NAE1: variants seen among roughly 807,000 people sequenced by gnomAD.
NAE1 encodes the protein NEDD8-activating enzyme E1 regulatory subunit.
Under a neutral mutation model 88.0 loss-of-function variants are expected in NAE1, and 59 were observed. The ratio of observed to expected loss-of-function variants is 0.67; its 90% CI spans 0.54 to 0.83. The LOEUF (loss-of-function observed/expected upper bound fraction) is 0.83. Among genes scored for constraint, NAE1 ranks in the 40% least tolerant of loss-of-function variants. The probability of loss-of-function intolerance (pLI) is 0.00; values close to 1 mark genes in which losing one functional copy is unlikely to be tolerated. For missense variants in NAE1, 554 were observed against 632.8 expected (o/e 0.88, Z 1.34); for synonymous variants, 186 against 208.9 (o/e 0.89, Z 0.95).
intron 5 of NAE1, 63 bp from the exon 6 acceptor site, chr16:66,823,369 T>C (rs1597049040): frequency 5.0e-6 from 7 of 1,403,164 alleles, no homozygotes; most frequent in South Asian, 2.5e-5. Context: ...ATATTAAACA[T>C]GGCAGAGACA....
chr16:66,824,215 A>C (rs946409749), intron 4 of NAE1, among the ~76,000 whole-genome samples: 4 of 152,232 alleles, frequency 2.6e-5, no homozygotes, highest in Admixed American at 2.0e-4. Flanking sequence ...GACTCACTCT[A>C]ACCACCCACA....
intron 6 of NAE1, 80 bp downstream of exon 6, chr16:66,823,144 TATC>T (rs1376555263): frequency 3.7e-6 from 2 of 539,508 alleles, no homozygotes; most frequent in Non-Finnish European, 5.7e-6. Flanking sequence ...TTTAAAACCA[TATC>T]ATCATAGACT....
rs776877366 is a variant in NAE1, at chr16:66,817,041, A to G, written c.685-13T>C. On this transcript the variant is annotated splice_polypyrimidine_tract_variant and intron_variant, in intron 9 of 19. Coordinates refer to ENST00000290810, the MANE Select transcript of NAE1 (RefSeq NM_003905.4). ...TTCGTCCATTTGTCTAAATTGGTTA[A>G]AAATTTTAAAAATCTAGTTATTAAA... 1.3e-6 allele frequency: 2 copies of G among 1,579,922 alleles called. No homozygotes were observed. The highest frequency in any genetic ancestry group is 2.4e-5 in the South Asian group (2 of 83,162).
At chr16:66,821,421 T>G (rs780987489) in intron 7 of NAE1, 29 bp downstream of exon 7, 1 of 1,509,692 alleles carries the variant, frequency 6.6e-7, no homozygotes, top group Non-Finnish European at 8.9e-7. Flanking sequence ...AAGCAACCAA[T>G]AGTAAGCCCA....
chr16:66,809,688 A>C (rs1239960227), intron 15 of NAE1, among the ~76,000 whole-genome samples: 3 of 152,210 alleles, frequency 2.0e-5, no homozygotes, highest in African/African-American at 7.2e-5. Flanking sequence ...TAGTGGCAGA[A>C]AACATTAAAA....
At chr16:66,816,907 T>C in intron 10 of NAE1, 58 bp downstream of exon 10, 2 of 1,553,824 alleles carry the variant, frequency 1.3e-6, no homozygotes, top group Non-Finnish European at 1.7e-6. Context: ...AATAAGTACC[T>C]GCCTCTAGCA....
At chr16:66,805,879 A>C (rs1278912793) in intron 18 of NAE1, 33 bp downstream of exon 18, 3 of 1,597,492 alleles carry the variant, frequency 1.9e-6, no homozygotes, top group Non-Finnish European at 2.6e-6. Context: ...ACAGGTGTGG[A>C]ATCATCTCCT....
Position 66,826,723 on chromosome 16 carries a change from A to G in NAE1, c.111T>C (p.Asn37=), listed in dbSNP as rs1367446117. The part of the protein sequence containing the change: ...ALESAHVCLI[N]ATATGTEILK... ...GAATTTCAGTTCCTGTGGCTGTTGCATTTATTAGGCAAACATGAGCAGATT... is the reference window on the plus strand; with the variant it reads ...GAATTTCAGTTCCTGTGGCTGTTGCGTTTATTAGGCAAACATGAGCAGATT... The change falls in exon 2 of 20, where the codon AAT becomes AAC. Residue 37 remains asparagine, a synonymous_variant. Coordinates refer to ENST00000290810, the MANE Select transcript of NAE1 (RefSeq NM_003905.4). The G allele has an allele frequency of 1.2e-6, 2 of 1,614,118 alleles. No individual in the cohort carries two copies. The highest frequency in any genetic ancestry group is 1.7e-6 in the Non-Finnish European group (2 of 1,179,992).
At chr16:66,806,966 AGCCAACTGACAT>A (rs1452125241) in intron 17 of NAE1, among the ~76,000 whole-genome samples, 10 of 152,212 alleles carry the variant, frequency 6.6e-5, no homozygotes, top group Non-Finnish European at 5.9e-5. Context: ...TAACTGCAGA[AGCCAACTGACAT>A]GCCAAAAGGA....
intron 9 of NAE1, 80 bp from the exon 10 acceptor site, chr16:66,817,108 C>A: frequency 6.8e-7 from 1 of 1,477,552 alleles, no homozygotes. Flanking sequence ...GTCCCCCATT[C>A]TCTACATAAG....
intron 1 of NAE1, among the ~76,000 whole-genome samples, chr16:66,827,283 G>C (rs1014854629): frequency 4.6e-5 from 7 of 150,966 alleles, no homozygotes; most frequent in Admixed American, 1.3e-4. Context: ...AATTATGTTA[G>C]ATGTGCCAGG....
chr16:66,828,085 A>C (rs1193620853), intron 1 of NAE1: 2 of 1,605,730 alleles, frequency 1.2e-6, no homozygotes, highest in Admixed American at 1.7e-5. Context: ...CGCCTAGAAG[A>C]ACCAGATGGA....
In NAE1 at chr16:66,817,441, G is replaced by T; in HGVS notation, c.668C>A (p.Ala223Glu). The change falls in exon 9 of 20, where the codon GCA becomes GAA. Residue 223 changes from alanine (A) to glutamate (E), a missense_variant. By Grantham distance (107) the Ala-to-Glu change is moderately radical. Transcript: ENST00000290810. ...PWIVIIAKYL[A>E]QWYSETNGRI... ...AGGACATACTTCACTATACCACTGT[G>T]CTAAATATTTAGCTATGATCACAAT... is the stretch of plus-strand genomic sequence containing the variant. 1 of 1,605,426 alleles carries T rather than the reference G, an allele frequency of 6.2e-7. No homozygotes were observed. Among genetic ancestry groups the T allele is most frequent in the Non-Finnish European group, 8.5e-7 (1 of 1,175,568 alleles).
intron 17 of NAE1, among the ~76,000 whole-genome samples, chr16:66,807,644 GAA>G (rs397932750): frequency 0.017 from 2,371 of 139,776 alleles, 55 homozygotes; most frequent in South Asian, 0.1. Flanking sequence ...CGTCTCAAAA[GAA>G]AAAAAAAAAA....
At position 66,826,795 on chromosome 16, in the gene NAE1, C is replaced by A. The variant is rs772061725; in HGVS notation, c.54-15G>T. On this transcript the variant is annotated splice_polypyrimidine_tract_variant and intron_variant, in intron 1 of 19. Transcript: ENST00000290810. ...CACCCCACAACCTACAAAACAGACA[C>A]AAATTTGATGTTTTTAAAACTTTCA... is the stretch of plus-strand genomic sequence containing the variant. 2.5e-5 allele frequency: 39 copies of A among 1,577,292 alleles called. No homozygotes were observed. The highest frequency in any genetic ancestry group is 3.3e-5 in the Non-Finnish European group (39 of 1,166,724).
intron 13 of NAE1, among the ~76,000 whole-genome samples, chr16:66,812,307 G>GTC (rs139236417): frequency 3.3e-5 from 5 of 151,412 alleles, no homozygotes; most frequent in East Asian, 1.9e-4. Context: ...GCCGGTAACA[G>GTC]TCTCTCTCTC....
intron 1 of NAE1, chr16:66,828,005 G>A (rs370072607): frequency 6.2e-7 from 1 of 1,613,764 alleles, no homozygotes; most frequent in East Asian, 2.2e-5. Flanking sequence ...TTTGTTTGCT[G>A]AGCATCCATC....
chr16:66,806,256 T>C (rs1033533066), intron 17 of NAE1: 2 of 382,890 alleles, frequency 5.2e-6, no homozygotes, highest in East Asian at 5.3e-5. Context: ...TTGCATCATA[T>C]TCACTGTCTA....
At position 66,830,974 on chromosome 16, in the gene NAE1, A is replaced by G; in HGVS notation, c.-75T>C. 1 of 1,358,480 alleles carries G rather than the reference A, an allele frequency of 7.4e-7. No homozygotes were observed. The highest frequency in any genetic ancestry group is 9.7e-7 in the Non-Finnish European group (1 of 1,029,528). 84.2% of individuals were successfully genotyped at this position (1,358,480 alleles called of 1,614,324 possible). On this transcript the variant is annotated 5_prime_UTR_variant, in exon 1 of 20. Transcript: ENST00000290810. ...ACCAGCTCCACAAGCGCGCAGGCGC[A>G]CTGAGCGCCCCTTCGCCGCTACCGT... is the stretch of plus-strand genomic sequence containing the variant.
Sources: gnomAD v4.1 joint callset for allele counts (sites outside exome capture counted in the v4.1 genomes callset) on GRCh38, gnomAD v4.1.1 for gene constraint, MANE v1.5 for transcripts, NCBI Gene and HGNC (gene_info 2026-07-23, HGNC 2026-07-21) for gene names.